EEA1: variants seen among roughly 807,000 people sequenced by gnomAD.
EEA1 encodes the protein early endosome antigen 1.
Under a neutral mutation model 209.2 loss-of-function variants are expected in EEA1, and 111 were observed. The ratio of observed to expected loss-of-function variants is 0.53; its 90% CI spans 0.45 to 0.62. The LOEUF is 0.62. Among genes scored for constraint, EEA1 ranks in the 20% least tolerant of loss-of-function variants. EEA1 has a pLI of 0.00. For missense variants in EEA1, 1,343 were observed against 1,530.8 expected (o/e 0.88, Z 2.05); for synonymous variants, 536 against 540.6 (o/e 0.99, Z 0.12).
chr12:92,879,737 A>G (rs1013195366), intron 2 of EEA1, among the ~76,000 whole-genome samples: 2 of 152,216 alleles, frequency 1.3e-5, no homozygotes, highest in African/African-American at 4.8e-5. Flanking sequence ...ATTTGACCCA[A>G]ATTAAGGCCC....
In EEA1 at chr12:92,777,638, C is replaced by A; in HGVS notation, c.3919G>T (p.Glu1307Ter). The A allele has an allele frequency of 6.2e-7, 1 of 1,611,790 alleles. No individual in the cohort carries two copies. Among genetic ancestry groups the A allele is most frequent in the Non-Finnish European group, 8.5e-7 (1 of 1,178,700 alleles). ...ERCLKGEGEI[E>*]KLQTKVLELQ... Reference sequence around the variant, plus strand: ...TCTAATACTTTGGTTTGAAGCTTTTCTATTTCACCTTCTCCTTTAAGACAT... The same window carrying A: ...TCTAATACTTTGGTTTGAAGCTTTTATATTTCACCTTCTCCTTTAAGACAT... The change falls in exon 27 of 29, where the codon GAA becomes TAA. Residue 1307 changes from glutamate (E) to a stop codon, truncating the protein, a stop_gained. Transcript: ENST00000322349. LOFTEE classifies it high-confidence loss of function.
At chr12:92,899,350 C>T (rs1054361321) in intron 1 of EEA1, among the ~76,000 whole-genome samples, 2 of 152,208 alleles carry the variant, frequency 1.3e-5, no homozygotes, top group African/African-American at 4.8e-5. Context: ...CTTCAATTTG[C>T]TACAGGCTTT....
chr12:92,805,479 A>C (rs1172329854), intron 18 of EEA1, among the ~76,000 whole-genome samples: 7 of 152,186 alleles, frequency 4.6e-5, no homozygotes, highest in Non-Finnish European at 8.8e-5. Context: ...TTACTACTGG[A>C]ACAGTCAAGA....
intron 1 of EEA1, among the ~76,000 whole-genome samples, chr12:92,901,172 G>A (rs546747645): frequency 1.8e-4 from 28 of 152,142 alleles, no homozygotes; most frequent in Non-Finnish European, 2.9e-4. Context: ...TTTCACCAAG[G>A]TTTTCCTTGA....
chr12:92,780,334 T>C lies in EEA1; in HGVS notation c.3414A>G (p.Lys1138=). The C allele has an allele frequency of 1.9e-6, 3 of 1,603,886 alleles. No homozygotes were observed. In the South Asian group the frequency reaches 3.4e-5, roughly 18 times the overall value. ...GTTCTTCGTTTAGTTTAGTGATTTC[T>C]TTTTCTTGTCTACATTTAATTTCTT... ...EIEEIKCRQE[K]EITKLNEELK... is the part of the protein sequence containing the mutation. The change falls in exon 24 of 29, where the codon AAA becomes AAG. Residue 1138 remains lysine, a synonymous_variant. Transcript: ENST00000322349.
intron 9 of EEA1, among the ~76,000 whole-genome samples, chr12:92,849,444 T>A (rs1414585837): frequency 6.6e-6 from 1 of 152,184 alleles, no homozygotes; most frequent in African/African-American, 2.4e-5. Context: ...CATTTGTACT[T>A]ATAGATTTAT....
intron 6 of EEA1, among the ~76,000 whole-genome samples, chr12:92,853,337 G>A (rs1178221608): frequency 6.6e-6 from 1 of 151,932 alleles, no homozygotes; most frequent in African/African-American, 2.4e-5. Flanking sequence ...GACCAAAAAG[G>A]AATACACCCC....
rs574410336 is a variant in EEA1 at position 92,879,480 on chromosome 12, A to C, written c.117+12149T>G. 15 of 329,416 alleles carry C rather than the reference A, an allele frequency of 4.6e-5. 1 individual carries two copies. Among genetic ancestry groups the C allele is most frequent in the South Asian group, 3.1e-4 (13 of 41,830 alleles). 20.4% of individuals were successfully genotyped at this position (329,416 alleles called of 1,614,324 possible). A position where few individuals can be genotyped will look rare whatever the true frequency, so the allele number is the denominator to read the frequency against. Reference sequence around the variant, plus strand: ...CACAGTAACGGAAAGAGAAAATCATATTATCATCTCAATAGATGTGGGAAA... The same window carrying C: ...CACAGTAACGGAAAGAGAAAATCATCTTATCATCTCAATAGATGTGGGAAA... On this transcript the variant is annotated intron_variant, in intron 2 of 28. Transcript: ENST00000322349.
intron 2 of EEA1, chr12:92,883,935 C>T (rs1879274743): frequency 6.5e-7 from 1 of 1,534,816 alleles, no homozygotes; most frequent in Admixed American, 1.7e-5. Context: ...CAGAGCACTC[C>T]AGGGGCTTTG....
chr12:92,805,284 C>T (rs1404056438), intron 18 of EEA1, among the ~76,000 whole-genome samples: 1 of 152,110 alleles, frequency 6.6e-6, no homozygotes, highest in African/African-American at 2.4e-5. Context: ...AGATGCAATT[C>T]TATAACCTCC....
intron 1 of EEA1, among the ~76,000 whole-genome samples, chr12:92,926,674 T>C (rs1486619297): frequency 6.6e-6 from 1 of 152,208 alleles, no homozygotes; most frequent in Non-Finnish European, 1.5e-5. Context: ...CTCTTACTAA[T>C]TGCTACAGAC....
chr12:92,872,047 ATTT>A (rs56671465), intron 2 of EEA1, among the ~76,000 whole-genome samples: 3 of 132,586 alleles, frequency 2.3e-5, no homozygotes, highest in Non-Finnish European at 3.2e-5. Context: ...GGCCCAGCTA[ATTT>A]TTTTTTTTTT....
chr12:92,796,654 T>C (rs1426026240), intron 21 of EEA1, among the ~76,000 whole-genome samples: 1 of 152,186 alleles, frequency 6.6e-6, no homozygotes, highest in Non-Finnish European at 1.5e-5. Flanking sequence ...CATACATCTA[T>C]ACCCATTTAA....
chr12:92,913,082 C>T (rs183498256), intron 1 of EEA1, among the ~76,000 whole-genome samples: 17 of 152,292 alleles, frequency 1.1e-4, no homozygotes, highest in Admixed American at 1.1e-3. Context: ...CTGGATTGAA[C>T]TGTAGTTCTG....
At chr12:92,857,701 T>G (rs1319181103) in intron 3 of EEA1, among the ~76,000 whole-genome samples, 1 of 152,184 alleles carries the variant, frequency 6.6e-6, no homozygotes, top group Non-Finnish European at 1.5e-5. Context: ...AAAAAACATT[T>G]TCTCATGGAA....
intron 3 of EEA1, chr12:92,859,249 G>C (rs1227246627): frequency 6.2e-7 from 1 of 1,610,682 alleles, no homozygotes; most frequent in African/African-American, 1.3e-5. Flanking sequence ...CTTCCCATGG[G>C]AAGTGCCCAA....
At chr12:92,925,247 G>A (rs1205846543) in intron 1 of EEA1, among the ~76,000 whole-genome samples, 1 of 151,726 alleles carries the variant, frequency 6.6e-6, no homozygotes, top group Middle Eastern at 3.4e-3. Context: ...TTAACACAGG[G>A]TCTCACTCTG....
chr12:92,877,289 TAACCAGG>T (rs1006494468), intron 2 of EEA1, among the ~76,000 whole-genome samples: 40 of 152,136 alleles, frequency 2.6e-4, no homozygotes, highest in African/African-American at 9.4e-4. Context: ...ACCTGGGTTT[TAACCAGG>T]AAAATGGCAT....
intron 17 of EEA1, among the ~76,000 whole-genome samples, 154 bp from the exon 18 acceptor site, chr12:92,809,310 G>C (rs985238976): frequency 6.6e-6 from 1 of 151,518 alleles, no homozygotes; most frequent in Non-Finnish European, 1.5e-5. Flanking sequence ...CATTACTAAG[G>C]GTGTTATTTA....
Sources: allele counts gnomAD v4.1 joint callset (sites outside exome capture counted in the v4.1 genomes callset), GRCh38; gene constraint gnomAD v4.1.1; transcripts MANE v1.5; gene names NCBI Gene and HGNC (gene_info 2026-07-23, HGNC 2026-07-21).